MAPK6: variants seen among roughly 807,000 people sequenced by gnomAD.
MAPK6 encodes mitogen-activated protein kinase 6, also known as ERK-3.
Under a neutral mutation model 59.3 loss-of-function variants are expected in MAPK6, and 19 were observed. That is an observed-to-expected ratio of 0.32 (90% CI 0.22 to 0.47). The LOEUF is 0.47. Ranked by LOEUF, MAPK6 falls within the 20% of genes least tolerant of loss-of-function variation. MAPK6 has a pLI of 1.00. For synonymous variants in MAPK6, 316 were observed against 290.3 expected, an observed-to-expected ratio of 1.09 and a Z score of -0.90; for missense variants, 724 against 847.9, an observed-to-expected ratio of 0.85 and a Z score of 1.81.
intron 4 of MAPK6, among the ~76,000 whole-genome samples, chr15:52,060,596 C>T (rs1253334762): frequency 3.3e-5 from 5 of 152,082 alleles, no homozygotes; most frequent in African/African-American, 1.2e-4. Flanking sequence ...TATCATAAGG[C>T]ATAGAAGTGT....
chr15:52,032,653 C>G (rs548995243), intron 1 of MAPK6, among the ~76,000 whole-genome samples: 2 of 152,178 alleles, frequency 1.3e-5, no homozygotes, highest in South Asian at 4.1e-4. Flanking sequence ...CTGCTGGAGA[C>G]AGATTTCTAT....
intron 3 of MAPK6, among the ~76,000 whole-genome samples, chr15:52,052,432 C>T (rs1312468701): frequency 6.6e-6 from 1 of 152,172 alleles, no homozygotes; most frequent in Non-Finnish European, 1.5e-5. Flanking sequence ...ACATATCATA[C>T]AATTTATTTA....
intron 2 of MAPK6, among the ~76,000 whole-genome samples, chr15:51,999,538 A>G (rs1317783533): frequency 6.6e-6 from 1 of 152,156 alleles, no homozygotes; most frequent in East Asian, 1.9e-4. Context: ...GACTCTTATC[A>G]GATATATTAT....
intron 1 of MAPK6, among the ~76,000 whole-genome samples, chr15:51,974,371 G>C (rs2057151017): frequency 6.6e-6 from 1 of 151,516 alleles, no homozygotes; most frequent in Non-Finnish European, 1.5e-5. Context: ...AGATGATCTT[G>C]ACAGGCCGGG....
chr15:52,001,212 T>C (rs981009337), intron 2 of MAPK6, among the ~76,000 whole-genome samples: 2 of 152,192 alleles, frequency 1.3e-5, no homozygotes, highest in East Asian at 1.9e-4. Context: ...CTCCAGAGGA[T>C]GCAGCCCTCA....
chr15:52,062,577 T>G (rs1596015421), intron 5 of MAPK6, among the ~76,000 whole-genome samples: 1 of 152,038 alleles, frequency 6.6e-6, no homozygotes, highest in South Asian at 2.1e-4. Context: ...CCAGCCTGGC[T>G]AACGTGGTGA....
At position 52,062,067 on chromosome 15, in the gene MAPK6, ATT is replaced by A. The variant is rs59641315; in HGVS notation, c.1067+584_1067+585del. Among the ~76,000 whole-genome samples, 85 of 137,430 alleles carry A rather than the reference ATT, an allele frequency of 6.2e-4. 1 individual carries two copies. Among genetic ancestry groups the A allele is most frequent in the Middle Eastern group, 7.4e-3 (2 of 270 alleles). The allele number at this position is 137,430 out of a possible 152,430, so 90.2% of individuals were successfully genotyped here. ...GTATTTGATTCATATTAGATGCAGG[ATT>A]TTTTTTTTTTTTTTTTGAGATGGAA... On this transcript the variant is annotated intron_variant, in intron 5 of 5. Transcript: ENST00000261845.
intron 2 of MAPK6, among the ~76,000 whole-genome samples, 182 bp from the exon 3 acceptor site, chr15:52,049,811 T>C (rs2031719575): frequency 6.6e-6 from 1 of 151,914 alleles, no homozygotes; most frequent in Non-Finnish European, 1.5e-5. Context: ...ATGGGGTTTC[T>C]CCGGTTGGTC....
chr15:52,029,280 T>G (rs2030935428), intron 1 of MAPK6, among the ~76,000 whole-genome samples: 1 of 152,126 alleles, frequency 6.6e-6, no homozygotes, highest in African/African-American at 2.4e-5. Context: ...CTCAGCCTCC[T>G]TATTACAGGC....
chr15:52,004,302 TCCATAAG>T (rs1566896981), exon 3 of MAPK6: 1 of 152,344 alleles, frequency 6.6e-6, no homozygotes, highest in East Asian at 1.9e-4. Flanking sequence ...GGAAGCAGTA[TCCATAAG>T]CCTTCATCAG....
rs143744875 is a variant in MAPK6 at position 52,064,557 on chromosome 15, C to A, written c.1723C>A (p.Gln575Lys). Residue 575 changes from glutamine (Q) to lysine (K), a missense_variant, in exon 6 of 6, where the codon CAG (glutamine) becomes AAG (lysine). Transcript: ENST00000261845. Reference sequence around the variant, plus strand: ...ATCAAAGTCAGTAAGCCAAGAAAAACAGGAAAAAGGAATGGCAAATCTGGC... The same window carrying A: ...ATCAAAGTCAGTAAGCCAAGAAAAAAAGGAAAAAGGAATGGCAAATCTGGC... ...LISKSVSQEK[Q>K]EKGMANLAQL... is the part of the protein sequence containing the mutation. 13 of 1,611,226 alleles carry A rather than the reference C, an allele frequency of 8.1e-6. No homozygotes were observed. In the African/African-American group the frequency reaches 1.5e-4, roughly 18 times the overall value.
intron 1 of MAPK6, among the ~76,000 whole-genome samples, chr15:52,041,080 G>C (rs1168013367): frequency 6.6e-6 from 1 of 152,156 alleles, no homozygotes; most frequent in Non-Finnish European, 1.5e-5. Flanking sequence ...TGCTGGAAAG[G>C]GTCCCTTTAT....
intron 1 of MAPK6, among the ~76,000 whole-genome samples, chr15:51,982,513 C>CTTACTA (rs1331952943): frequency 2.6e-5 from 4 of 152,192 alleles, no homozygotes; most frequent in African/African-American, 9.6e-5. Context: ...CACACTCACA[C>CTTACTA]ATACACTATA....
At chr15:51,997,858 C>T (rs1350432508) in intron 2 of MAPK6, among the ~76,000 whole-genome samples, 2 of 152,070 alleles carry the variant, frequency 1.3e-5, no homozygotes, top group Non-Finnish European at 2.9e-5. Flanking sequence ...TCCCAAAGTG[C>T]TGGGATTACA....
At chr15:52,041,311 C>T (rs1311955507) in intron 1 of MAPK6, among the ~76,000 whole-genome samples, 1 of 152,138 alleles carries the variant, frequency 6.6e-6, no homozygotes, top group African/African-American at 2.4e-5. Flanking sequence ...ATTCTCCTGC[C>T]TCAGCCTCTG....
intron 2 of MAPK6, among the ~76,000 whole-genome samples, 176 bp downstream of exon 2, chr15:52,047,191 A>T (rs2031618730): frequency 6.6e-6 from 1 of 152,214 alleles, no homozygotes. Context: ...TGGGATAATT[A>T]AATACAAATT....
intron 3 of MAPK6, among the ~76,000 whole-genome samples, chr15:52,051,896 A>C (rs909177001): frequency 1.3e-5 from 2 of 151,930 alleles, no homozygotes; most frequent in African/African-American, 4.8e-5. Flanking sequence ...AATTTCTAAG[A>C]TGTATGATAG....
At chr15:52,006,557 G>C (rs1391514355) in intron 3 of MAPK6, among the ~76,000 whole-genome samples, 1 of 152,246 alleles carries the variant, frequency 6.6e-6, no homozygotes, top group Non-Finnish European at 1.5e-5. Flanking sequence ...CATTGTGTGA[G>C]AATATCAGCC....
chr15:51,987,088 A>C (rs528877618), intron 2 of MAPK6, among the ~76,000 whole-genome samples: 41 of 152,318 alleles, frequency 2.7e-4, no homozygotes, highest in Admixed American at 1.2e-3. Flanking sequence ...AAAAATCTGG[A>C]CTATTTCAAC....
Sources: allele counts gnomAD v4.1 joint callset (sites outside exome capture counted in the v4.1 genomes callset), GRCh38; gene constraint gnomAD v4.1.1; transcripts MANE v1.5; gene names NCBI Gene and HGNC (gene_info 2026-07-23, HGNC 2026-07-21).